Variants in ATP7B observed in about 807,000 individuals in gnomAD.
ATP7B encodes copper-transporting ATPase 2.
A neutral mutation model predicts 118.9 loss-of-function variants in ATP7B; 113 were observed. The observed-to-expected ratio is 0.95, with a 90% CI of 0.82 to 1.11. The LOEUF (loss-of-function observed/expected upper bound fraction) is 1.11. ATP7B is among the 50% of genes most tolerant of loss of function. ATP7B has a pLI of 0.00. For synonymous variants in ATP7B, 777 were observed against 727.4 expected (o/e 1.07, Z -1.10); for missense variants, 1,867 against 1,871.4 (o/e 1.00, Z 0.04).
chr13:52,003,363 A>G (rs1383848752), intron 1 of ATP7B, among the ~76,000 whole-genome samples: 1 of 152,200 alleles, frequency 6.6e-6, no homozygotes, highest in East Asian at 1.9e-4. Context: ...GGAGAGACAG[A>G]GACATGAACT....
At chr13:52,007,495 C>A (rs1488092377) in intron 1 of ATP7B, among the ~76,000 whole-genome samples, 2 of 152,250 alleles carry the variant, frequency 1.3e-5, no homozygotes, top group African/African-American at 4.8e-5. Context: ...TCCCCAAACT[C>A]TAACATCATG....
rs770829226 is a variant in ATP7B at position 51,965,038 on chromosome 13, A to C, written c.1708-5T>G. ...CGCGCAGGTCATCCCTGTGATCTGC[A>C]ACACAGGATGGCAAGAATCCCACAG... On this transcript the variant is annotated splice_polypyrimidine_tract_variant and splice_region_variant and intron_variant, in intron 4 of 20. Transcript: ENST00000242839. 3.1e-6 allele frequency: 5 copies of C among 1,613,938 alleles called. No homozygotes were observed. In the East Asian group the frequency reaches 1.1e-4, roughly 36 times the overall value.
At chr13:51,980,750 C>T (rs1299534821) in intron 1 of ATP7B, among the ~76,000 whole-genome samples, 1 of 152,158 alleles carries the variant, frequency 6.6e-6, no homozygotes, top group African/African-American at 2.4e-5. Context: ...CTCTTGGATT[C>T]CCATCAACCT....
chr13:51,978,501 A>G (rs1490861324), intron 1 of ATP7B, among the ~76,000 whole-genome samples: 1 of 152,216 alleles, frequency 6.6e-6, no homozygotes, highest in Non-Finnish European at 1.5e-5. Flanking sequence ...CAGCAACTCT[A>G]CTTCTAAGAA....
intron 17 of ATP7B, 54 bp downstream of exon 17, chr13:51,938,997 G>T (rs1483513019): frequency 1.2e-6 from 2 of 1,613,858 alleles, no homozygotes; most frequent in Non-Finnish European, 1.7e-6. Flanking sequence ...GCTTACTTTT[G>T]TCTCTAACTG....
chr13:51,945,251 A>G (rs773066874), intron 13 of ATP7B, among the ~76,000 whole-genome samples: 6 of 152,050 alleles, frequency 3.9e-5, no homozygotes, highest in Non-Finnish European at 8.8e-5. Context: ...ACTTTACTAA[A>G]TCTTCAGCCT....
intron 4 of ATP7B, chr13:51,966,881 GTGA>G (rs1675810203): frequency 6.2e-7 from 1 of 1,612,820 alleles, no homozygotes; most frequent in African/African-American, 1.3e-5. Flanking sequence ...ATCATCACTT[GTGA>G]TGGCAGAAAC....
At chr13:51,951,570 C>T (rs921108736) in intron 9 of ATP7B, among the ~76,000 whole-genome samples, 2 of 152,094 alleles carry the variant, frequency 1.3e-5, no homozygotes, top group Non-Finnish European at 2.9e-5. Flanking sequence ...CATATAAGCG[C>T]CCCTAGGAGT....
intron 12 of ATP7B, among the ~76,000 whole-genome samples, chr13:51,948,776 T>A (rs183826982): frequency 6.6e-6 from 1 of 152,372 alleles, no homozygotes; most frequent in East Asian, 1.9e-4. Context: ...TTCTGAGGTT[T>A]AATAAAACCA....
chr13:51,946,589 T>C (rs983063068), intron 12 of ATP7B, 111 bp from the exon 13 acceptor site: 2 of 1,282,040 alleles, frequency 1.6e-6, no homozygotes, highest in Non-Finnish European at 2.2e-6. Context: ...GTGACGAACT[T>C]GGGTTCCGGA....
chr13:51,989,939 T>C (rs189340768), intron 1 of ATP7B, among the ~76,000 whole-genome samples: 128 of 152,306 alleles, frequency 8.4e-4, no homozygotes, highest in Non-Finnish European at 1.5e-3. Context: ...CCTAGAATTA[T>C]AGGTATGACA....
intron 1 of ATP7B, among the ~76,000 whole-genome samples, chr13:51,989,661 C>T (rs1043266893): frequency 2.6e-5 from 4 of 152,152 alleles, no homozygotes; most frequent in African/African-American, 7.2e-5. Flanking sequence ...GACAGGGTAT[C>T]GTCTCCAAGG....
At chr13:51,994,391 T>A (rs1446622946) in intron 1 of ATP7B, among the ~76,000 whole-genome samples, 2 of 152,192 alleles carry the variant, frequency 1.3e-5, no homozygotes, top group African/African-American at 2.4e-5. Flanking sequence ...AGCCACTGAA[T>A]AATTCTACAT....
chr13:51,937,140 A>G (rs904345607), intron 19 of ATP7B, 136 bp downstream of exon 19: 2 of 67,028 alleles, frequency 3.0e-5, no homozygotes, highest in Non-Finnish European at 6.0e-5. Context: ...AGGGGACATG[A>G]AAAAAAAAAA....
chr13:51,951,196 A>G (rs1482963030), intron 9 of ATP7B, among the ~76,000 whole-genome samples: 1 of 152,062 alleles, frequency 6.6e-6, no homozygotes, highest in African/African-American at 2.4e-5. Context: ...GAGAAGAAAT[A>G]CACAGCATAT....
chr13:51,987,319 A>G (rs1952704557), intron 1 of ATP7B, among the ~76,000 whole-genome samples: 1 of 152,252 alleles, frequency 6.6e-6, no homozygotes, highest in African/African-American at 2.4e-5. Flanking sequence ...CAATTGCTAC[A>G]AAGAGAATAA....
In ATP7B at chr13:51,974,207, T is replaced by C. The variant is rs1388065781; in HGVS notation, c.1013A>G (p.His338Arg). 5 of 1,613,852 alleles carry C rather than the reference T, an allele frequency of 3.1e-6. No homozygotes were observed. Among genetic ancestry groups the C allele is most frequent in the East Asian group, 2.2e-5 (1 of 44,876 alleles). ...PDGAEGSGTD[H>R]RSSSSHSPGS... Reference sequence around the variant, plus strand: ...AGGGGAATGAGAACTGGAAGACCTGTGATCTGTCCCACTCCCTTCGGCTCC... The same window carrying C: ...AGGGGAATGAGAACTGGAAGACCTGCGATCTGTCCCACTCCCTTCGGCTCC... Residue 338 changes from histidine (H) to arginine (R), a missense_variant, in exon 2 of 21, where the codon CAC becomes CGC. By Grantham distance (29) the His-to-Arg change is conservative. Transcript: ENST00000242839.
intron 1 of ATP7B, among the ~76,000 whole-genome samples, chr13:51,986,512 C>A (rs1212639000): frequency 6.6e-6 from 1 of 152,206 alleles, no homozygotes; most frequent in Admixed American, 6.5e-5. Flanking sequence ...ACCATTCCTT[C>A]TGAAACTATT....
rs587783298 is a variant in ATP7B, at chr13:51,970,699, C to T, written c.1336G>A (p.Val446Met). ...GTAGGTGTACCATCTGTAGTTTGCA[C>T]CATGGAATTCCCAGCACTGTGGTTT... ...LGNHSAGNSMVQTTDGTPTSV... is the reference protein window; with the variant it reads ...LGNHSAGNSMMQTTDGTPTSV... Residue 446 changes from valine to methionine, a missense_variant, in exon 3 of 21, where the codon GTG becomes ATG. Transcript: ENST00000242839. 6.2e-7 allele frequency: 1 copy of T among 1,614,094 alleles called. No individual in the cohort carries two copies. Among genetic ancestry groups the T allele is most frequent in the South Asian group, 1.1e-5 (1 of 91,076 alleles).
Sources: allele counts gnomAD v4.1 joint callset (sites outside exome capture counted in the v4.1 genomes callset), GRCh38; gene constraint gnomAD v4.1.1; transcripts MANE v1.5; gene names NCBI Gene and HGNC (gene_info 2026-07-23, HGNC 2026-07-21).